The following ZNF528 variants were observed in gnomAD, a reference collection of about 807,000 sequenced individuals.
The protein encoded by ZNF528 is zinc finger protein 528.
A neutral mutation model predicts 13.3 loss-of-function variants in ZNF528; 9 were observed. The ratio of observed to expected loss-of-function variants is 0.67; its 90% confidence interval spans 0.41 to 1.18. The LOEUF (loss-of-function observed/expected upper bound fraction) is 1.18, where lower values mean the gene tolerates loss of function less well. Ranked by LOEUF, ZNF528 falls within the 50% of genes most tolerant of loss-of-function variation. The probability of loss-of-function intolerance (pLI) is 0.01; values close to 1 mark genes in which losing one functional copy is unlikely to be tolerated. For synonymous variants in ZNF528, 264 were observed against 254.3 expected (o/e 1.04, Z -0.36); for missense variants, 858 against 745.4 (o/e 1.15, Z -1.76).
chr19:52,410,450 C>T (rs2058916777), intron 6 of ZNF528, among the ~76,000 whole-genome samples: 1 of 152,170 alleles, frequency 6.6e-6, no homozygotes, highest in Non-Finnish European at 1.5e-5. Context: ...TCAGTGAGCA[C>T]AGTGCCAGGG....
rs758459141 is a variant in ZNF528 at position 52,406,508 on chromosome 19, T to C, written c.143-7T>C. ...CAGCACACATTTATTCTTTCTTTTA[T>C]AAATAGGAATCTGTCTTCCTGACCT... On this transcript the variant is annotated splice_region_variant and splice_polypyrimidine_tract_variant and intron_variant, in intron 5 of 6. Coordinates refer to ENST00000360465, the MANE Select transcript of ZNF528 (RefSeq NM_032423.3). The C allele has an allele frequency of 5.0e-6, 8 of 1,612,054 alleles. No individual in the cohort carries two copies. The highest frequency in any genetic ancestry group is 6.8e-6 in the Non-Finnish European group (8 of 1,179,530).
chr19:52,417,214 C>A lies in ZNF528; in HGVS notation c.*475C>A. The A allele has an allele frequency of 3.4e-6, 1 of 293,792 alleles. No homozygotes were observed. Among genetic ancestry groups the A allele is most frequent in the East Asian group, 1.1e-4 (1 of 8,934 alleles). 18.2% of individuals were successfully genotyped at this position (293,792 alleles called of 1,614,324 possible). The stretch of plus-strand genomic sequence containing the variant: ...CTTTTCATGTGCCTTCCATACAGGC[C>A]ATTCACTGTGGTCCCTGGGAAAGAA... On this transcript the variant is annotated 3_prime_UTR_variant, in exon 7 of 7. Transcript: ENST00000360465.
chr19:52,399,502 T>C, intron 2 of ZNF528, among the ~76,000 whole-genome samples: 1 of 152,114 alleles, frequency 6.6e-6, no homozygotes, highest in East Asian at 1.9e-4. Flanking sequence ...CCAGCTACTC[T>C]GGAGGCTGAG....
At chr19:52,398,276 C>G (rs1846333107) in intron 1 of ZNF528, 91 bp from the exon 2 acceptor site, 1 of 152,434 alleles carries the variant, frequency 6.6e-6, no homozygotes, top group African/African-American at 2.4e-5. Flanking sequence ...GAGGCCTCGT[C>G]CTCTGCCCAG....
At chr19:52,409,608 TG>T (rs1431289629) in intron 6 of ZNF528, among the ~76,000 whole-genome samples, 8 of 152,170 alleles carry the variant, frequency 5.3e-5, no homozygotes, top group Non-Finnish European at 1.2e-4. Flanking sequence ...TGTGGAGATT[TG>T]GGTTTTTTTG....
At chr19:52,414,640 C>A in intron 6 of ZNF528, 1 of 400,816 alleles carries the variant, frequency 2.5e-6, no homozygotes, top group South Asian at 2.4e-5. Context: ...TGAGTTTGCC[C>A]ACATCCTGCA....
In ZNF528 at chr19:52,415,212, AC is replaced by A. The variant is rs768688118; in HGVS notation, c.361del (p.Gln121SerfsTer40). The part of the protein sequence containing the change: ...FTFQLHLSDL[Q>X]LFQAERKISG... ...CTTTTCAGTTACATCTGAGTGATCTACAGCTATTTCAAGCTGAAAGGAAAAT... is the reference window on the plus strand; with the variant it reads ...CTTTTCAGTTACATCTGAGTGATCTAAGCTATTTCAAGCTGAAAGGAAAAT... On this transcript the variant is annotated frameshift_variant, in exon 7 of 7. Transcript: ENST00000360465. LOFTEE classifies it low-confidence loss of function (END_TRUNC). 1 of 1,614,118 alleles carries A rather than the reference AC, an allele frequency of 6.2e-7. No homozygotes were observed. The highest frequency in any genetic ancestry group is 1.1e-5 in the South Asian group (1 of 91,036).
chr19:52,413,950 TCTC>T (rs2058964907), intron 6 of ZNF528: 1 of 399,692 alleles, frequency 2.5e-6, no homozygotes, highest in Non-Finnish European at 4.6e-6. Flanking sequence ...TGCATCATAA[TCTC>T]CTGCAGAAGC....
intron 6 of ZNF528, among the ~76,000 whole-genome samples, chr19:52,410,130 C>G (rs564626965): frequency 2.0e-5 from 3 of 152,316 alleles, no homozygotes; most frequent in African/African-American, 7.2e-5. Flanking sequence ...AAGAACTGTA[C>G]AAGGTGAGAC....
intron 6 of ZNF528, chr19:52,414,050 T>A (rs2058966247): frequency 1.7e-6 from 1 of 593,848 alleles, no homozygotes; most frequent in African/African-American, 1.9e-5. Flanking sequence ...ACAGACAAGT[T>A]CTGCCCCACG....
chr19:52,416,228 A>G lies in ZNF528; in HGVS notation c.1376A>G (p.His459Arg), dbSNP rs765707435. 3.1e-6 allele frequency: 5 copies of G among 1,613,756 alleles called. No individual in the cohort carries two copies. The highest frequency in any genetic ancestry group is 4.5e-5 in the East Asian group (2 of 44,876). Residue 459 changes from histidine to arginine, a missense_variant, in exon 7 of 7, where the codon CAT (histidine) becomes CGT (arginine). Physicochemically the swap from His to Arg is conservative, Grantham distance 29. Transcript: ENST00000360465. The part of the protein sequence containing the change: ...FSDLTAHFLI[H>R]SGEKPYECKE... The stretch of plus-strand genomic sequence containing the variant: ...GACCTTACTGCCCATTTTCTAATCC[A>G]TAGTGGAGAGAAACCTTATGAATGT...
At chr19:52,401,609 C>G in intron 2 of ZNF528, 76 bp from the exon 3 acceptor site, 1 of 1,159,648 alleles carries the variant, frequency 8.6e-7, no homozygotes, top group East Asian at 5.7e-5. Flanking sequence ...AAAATAAGTG[C>G]TTGATCAAAG....
At chr19:52,401,919 C>T (rs1862985554) in intron 3 of ZNF528, 28 bp from the exon 4 acceptor site, 2 of 1,604,756 alleles carry the variant, frequency 1.2e-6, no homozygotes, top group African/African-American at 2.7e-5. Flanking sequence ...TGATTCTAAG[C>T]CCTAAGCAGC....
chr19:52,410,627 A>T (rs1316533731), intron 6 of ZNF528, among the ~76,000 whole-genome samples: 3 of 152,166 alleles, frequency 2.0e-5, no homozygotes, highest in Non-Finnish European at 4.4e-5. Flanking sequence ...CTTTGTGTTT[A>T]TGTATTACTG....
chr19:52,403,604 G>A (rs1473113500), intron 4 of ZNF528, among the ~76,000 whole-genome samples: 1 of 141,634 alleles, frequency 7.1e-6, no homozygotes, highest in Non-Finnish European at 1.5e-5. Context: ...AGATTGTGGT[G>A]AGCCAAGATT....
At chr19:52,405,549 C>T (rs12459721) in intron 4 of ZNF528, among the ~76,000 whole-genome samples, 1,669 of 152,104 alleles carry the variant, frequency 0.011, 31 homozygotes, top group African/African-American at 0.039. Flanking sequence ...GAAAAAAACA[C>T]TGTAGACATT....
At chr19:52,413,623 C>CT (rs1568429156) in intron 6 of ZNF528, 1 of 152,466 alleles carries the variant, frequency 6.6e-6, no homozygotes, top group African/African-American at 2.4e-5. Context: ...ACTGGGGTCT[C>CT]TATTTCTGCT....
At chr19:52,407,736 A>C (rs973340594) in intron 6 of ZNF528, among the ~76,000 whole-genome samples, 2 of 152,086 alleles carry the variant, frequency 1.3e-5, no homozygotes, top group Admixed American at 1.3e-4. Context: ...AGATTGCACC[A>C]CTGCGCCCTA....
Position 52,416,849 on chromosome 19 carries a change from G to A in ZNF528, c.*110G>A. ...ATATAAATGAAATGTATGTGACACA[G>A]GCTTTATCAAGGCCTGCCAAATCAC... On this transcript the variant is annotated 3_prime_UTR_variant, in exon 7 of 7. Transcript: ENST00000360465. 3 of 1,203,960 alleles carry A rather than the reference G, an allele frequency of 2.5e-6. No individual in the cohort carries two copies. Among genetic ancestry groups the A allele is most frequent in the Non-Finnish European group, 3.4e-6 (3 of 876,912 alleles). 74.6% of individuals were successfully genotyped at this position (1,203,960 alleles called of 1,614,324 possible). A position where few individuals can be genotyped will look rare whatever the true frequency, so the allele number is the denominator to read the frequency against.
Sources: gnomAD v4.1 joint callset for allele counts (sites outside exome capture counted in the v4.1 genomes callset) on GRCh38, gnomAD v4.1.1 for gene constraint, MANE v1.5 for transcripts, NCBI Gene and HGNC (gene_info 2026-07-23, HGNC 2026-07-21) for gene names.